Variants in MCTP1 observed in about 807,000 individuals in gnomAD.
The protein encoded by MCTP1 is multiple C2 and transmembrane domain-containing protein 1.
A neutral mutation model predicts 120.6 loss-of-function variants in MCTP1; 69 were observed. That is an observed-to-expected ratio of 0.57 (90% confidence interval 0.47 to 0.70). The LOEUF (loss-of-function observed/expected upper bound fraction) is 0.70. MCTP1 is among the 30% of genes least tolerant of loss of function. The probability of loss-of-function intolerance (pLI) is 0.00; values close to 1 mark genes in which losing one functional copy is unlikely to be tolerated. For synonymous variants in MCTP1, 529 were observed against 493.1 expected (o/e 1.07, Z -0.96); for missense variants, 1,203 against 1,248.8 (o/e 0.96, Z 0.55).
intron 18 of MCTP1, among the ~76,000 whole-genome samples, chr5:94,784,478 T>A (rs563778409): frequency 2.6e-5 from 4 of 152,168 alleles, no homozygotes; most frequent in African/African-American, 9.6e-5. Context: ...GCAGACATTT[T>A]TACGACAGGA....
At chr5:95,117,214 C>A (rs917859958) in intron 1 of MCTP1, among the ~76,000 whole-genome samples, 1 of 151,844 alleles carries the variant, frequency 6.6e-6, no homozygotes, top group South Asian at 2.1e-4. Flanking sequence ...CACGGTGAAA[C>A]CCCGTCTCTA....
intron 1 of MCTP1, among the ~76,000 whole-genome samples, chr5:95,200,532 CT>C (rs1334336613): frequency 1.4e-4 from 22 of 152,264 alleles, no homozygotes; most frequent in African/African-American, 4.8e-4. Context: ...ATGAAGGACA[CT>C]TGTGTTATTT....
intron 2 of MCTP1, among the ~76,000 whole-genome samples, chr5:94,991,358 A>G (rs1418371307): frequency 6.6e-6 from 1 of 152,194 alleles, no homozygotes; most frequent in Non-Finnish European, 1.5e-5. Flanking sequence ...CATAACATTA[A>G]ATATTTTTGC....
chr5:95,038,054 T>C (rs1362959833), intron 1 of MCTP1: 1 of 884,996 alleles, frequency 1.1e-6, no homozygotes, highest in African/African-American at 1.8e-5. Flanking sequence ...CATATGAGTT[T>C]AAAACAAAAC....
At chr5:95,143,707 G>A (rs530516411) in intron 1 of MCTP1, among the ~76,000 whole-genome samples, 40 of 152,236 alleles carry the variant, frequency 2.6e-4, no homozygotes, top group African/African-American at 9.4e-4. Context: ...GCCTCCAGCT[G>A]CATCCATGTT....
At chr5:94,969,486 A>G (rs976594082) in intron 2 of MCTP1, among the ~76,000 whole-genome samples, 4 of 152,154 alleles carry the variant, frequency 2.6e-5, no homozygotes, top group African/African-American at 9.7e-5. Flanking sequence ...CCTAGCACTT[A>G]ATGAAACAGA....
intron 1 of MCTP1, among the ~76,000 whole-genome samples, chr5:95,022,766 C>T (rs1838450746): frequency 6.6e-6 from 1 of 152,146 alleles, no homozygotes; most frequent in South Asian, 2.1e-4. Context: ...CAATACAGTG[C>T]TCTAGGCAGC....
intron 17 of MCTP1, among the ~76,000 whole-genome samples, chr5:94,866,231 A>G (rs565823844): frequency 6.6e-6 from 1 of 151,974 alleles, no homozygotes; most frequent in African/African-American, 2.4e-5. Context: ...TCTGTCAGCT[A>G]TTTATACTGG....
chr5:95,183,879 G>A (rs10071202), intron 1 of MCTP1, among the ~76,000 whole-genome samples: 58,958 of 151,956 alleles, frequency 0.39, 11,505 homozygotes, highest in Middle Eastern at 0.4. Context: ...GTTCTTTGGA[G>A]TATAATATGG....
chr5:95,162,016 C>A (rs998930843), intron 1 of MCTP1, among the ~76,000 whole-genome samples: 1 of 152,134 alleles, frequency 6.6e-6, no homozygotes, highest in African/African-American at 2.4e-5. Context: ...GAATGTGGAT[C>A]TAGAGTTCAG....
intron 19 of MCTP1, among the ~76,000 whole-genome samples, chr5:94,777,211 C>A (rs1338644848): frequency 6.6e-6 from 1 of 152,156 alleles, no homozygotes; most frequent in Non-Finnish European, 1.5e-5. Flanking sequence ...CACTTTCAAT[C>A]AACTTTGGTA....
chr5:94,718,358 T>A (rs1172948015), intron 19 of MCTP1, among the ~76,000 whole-genome samples: 1 of 152,142 alleles, frequency 6.6e-6, no homozygotes, highest in African/African-American at 2.4e-5. Context: ...TAACTCAAGA[T>A]GGACTAAAGA....
rs991418239 is a variant in MCTP1 at position 94,744,220 on chromosome 5, C to T, written c.2611-29334G>A. On this transcript the variant is annotated intron_variant, in intron 19 of 22. Transcript: ENST00000515393. ...CTGGGCTGATCCGAAGTGATCCACC[C>T]ACCTTGGCCTCCCAAAGTGCTCGGA... is the stretch of plus-strand genomic sequence containing the variant. 2.0e-5 allele frequency among the ~76,000 whole-genome samples: 3 copies of T among 152,204 alleles called. No individual in the cohort carries two copies. In the South Asian group the frequency reaches 6.2e-4, roughly 31 times the overall value.
rs145216396 is a variant in MCTP1 at position 94,745,212 on chromosome 5, G to A, written c.2611-30326C>T. On this transcript the variant is annotated intron_variant, in intron 19 of 22. Transcript: ENST00000515393. Reference sequence around the variant, plus strand: ...AATAATGCCTTTCTGTCTATAACCAGTATGCCCACAAGTGAACAAACCTTT... The same window carrying A: ...AATAATGCCTTTCTGTCTATAACCAATATGCCCACAAGTGAACAAACCTTT... Among the ~76,000 whole-genome samples, 39 of 152,298 alleles carry A rather than the reference G, an allele frequency of 2.6e-4. No homozygotes were observed. The East Asian group carries it at 4.8e-3, about 19-fold the overall frequency.
chr5:94,739,750 C>T (rs1334501619), intron 19 of MCTP1, among the ~76,000 whole-genome samples: 3 of 152,212 alleles, frequency 2.0e-5, no homozygotes, highest in Admixed American at 6.5e-5. Flanking sequence ...CTGCAACCTC[C>T]ACCTCCCAGG....
intron 1 of MCTP1, among the ~76,000 whole-genome samples, chr5:95,080,808 C>G (rs749270588): frequency 5.9e-5 from 9 of 152,290 alleles, no homozygotes; most frequent in Non-Finnish European, 8.8e-5. Context: ...CTGCCTCCAA[C>G]AGCAAGTGAG....
At chr5:94,932,300 A>G (rs1332996410) in intron 5 of MCTP1, among the ~76,000 whole-genome samples, 1 of 151,280 alleles carries the variant, frequency 6.6e-6, no homozygotes, top group Non-Finnish European at 1.5e-5. Context: ...ATAATTTCCA[A>G]TGGCTCCTTT....
At chr5:94,812,186 T>C (rs1324410527) in intron 17 of MCTP1, among the ~76,000 whole-genome samples, 1 of 152,194 alleles carries the variant, frequency 6.6e-6, no homozygotes, top group Non-Finnish European at 1.5e-5. Context: ...GCATTAATCG[T>C]AGGTTCAGAT....
intron 2 of MCTP1, among the ~76,000 whole-genome samples, chr5:94,959,229 G>A (rs1823494823): frequency 6.6e-6 from 1 of 151,994 alleles, no homozygotes; most frequent in Admixed American, 6.6e-5. Flanking sequence ...ACCCTTTCAT[G>A]CTAAAAACAC....
Sources: gnomAD v4.1 joint callset for allele counts (sites outside exome capture counted in the v4.1 genomes callset) on GRCh38, gnomAD v4.1.1 for gene constraint, MANE v1.5 for transcripts, NCBI Gene and HGNC (gene_info 2026-07-23, HGNC 2026-07-21) for gene names.